Variants in PAPPA observed in about 807,000 individuals in gnomAD.
The protein encoded by PAPPA is pappalysin-1.
PAPPA carries 60 observed loss-of-function variants against 164.0 expected under a neutral mutation model. The ratio of observed to expected loss-of-function variants is 0.37; its 90% CI spans 0.30 to 0.45. PAPPA has a LOEUF of 0.45. Ranked by LOEUF, PAPPA falls within the 20% of genes least tolerant of loss-of-function variation. The probability of loss-of-function intolerance (pLI) is 1.00; values close to 1 mark genes in which losing one functional copy is unlikely to be tolerated. For missense variants in PAPPA, 1,782 were observed against 2,087.3 expected (o/e 0.85, Z 2.85); for synonymous variants, 875 against 814.1 (o/e 1.07, Z -1.27).
Position 116,305,176 on chromosome 9 carries a change from C to CACACACACAT in PAPPA, c.3147+2226_3147+2227insACACACACAT, listed in dbSNP as rs1554750322. 7.1e-3 allele frequency among the ~76,000 whole-genome samples: 1,065 copies of CACACACACAT among 149,360 alleles called. 6 individuals carry two copies. The highest frequency in any genetic ancestry group is 0.012 in the Non-Finnish European group (787 of 67,120). Reference sequence around the variant, plus strand: ...ACACACACACACACACACACACACACGGAGTCTGCATAATTAGAGGTAAAG... The same window carrying CACACACACAT: ...ACACACACACACACACACACACACACACACACACATGGAGTCTGCATAATTAGAGGTAAAG... On this transcript the variant is annotated intron_variant, in intron 10 of 21. Transcript: ENST00000328252.
At chr9:116,227,176 T>C (rs1297717817) in intron 5 of PAPPA, among the ~76,000 whole-genome samples, 3 of 152,186 alleles carry the variant, frequency 2.0e-5, no homozygotes, top group Non-Finnish European at 4.4e-5. Context: ...CCTGTTGACT[T>C]TGTGCTGCTA....
chr9:116,251,965 G>A (rs1844865850), intron 7 of PAPPA, among the ~76,000 whole-genome samples: 1 of 152,130 alleles, frequency 6.6e-6, no homozygotes, highest in Non-Finnish European at 1.5e-5. Context: ...TTTCCACATT[G>A]TCCCTCCATT....
At chr9:116,267,398 G>C (rs925852844) in intron 8 of PAPPA, among the ~76,000 whole-genome samples, 16 of 152,212 alleles carry the variant, frequency 1.1e-4, no homozygotes, top group African/African-American at 3.9e-4. Flanking sequence ...TTCTGAACAT[G>C]ATTTAACATT....
At chr9:116,236,211 C>T (rs1844663439) in intron 7 of PAPPA, among the ~76,000 whole-genome samples, 1 of 152,080 alleles carries the variant, frequency 6.6e-6, no homozygotes, top group Non-Finnish European at 1.5e-5. Flanking sequence ...CCATTTGATC[C>T]TTAGGGCCTT....
chr9:116,255,866 G>A (rs1429572928), intron 7 of PAPPA, among the ~76,000 whole-genome samples: 1 of 151,922 alleles, frequency 6.6e-6, no homozygotes, highest in Non-Finnish European at 1.5e-5. Context: ...TAATTAACAT[G>A]ATTTGATTTA....
intron 8 of PAPPA, among the ~76,000 whole-genome samples, chr9:116,270,404 T>G (rs1252973237): frequency 6.6e-6 from 1 of 152,242 alleles, no homozygotes; most frequent in African/African-American, 2.4e-5. Context: ...CTACTATGAC[T>G]GAGGATTGGA....
chr9:116,180,311 T>C (rs573143658), intron 1 of PAPPA, among the ~76,000 whole-genome samples: 46 of 151,966 alleles, frequency 3.0e-4, no homozygotes, highest in Non-Finnish European at 5.9e-4. Flanking sequence ...CAATCCACCA[T>C]GGAAAGCATC....
At chr9:116,177,208 C>T (rs981815960) in intron 1 of PAPPA, among the ~76,000 whole-genome samples, 1 of 152,136 alleles carries the variant, frequency 6.6e-6, no homozygotes, top group Non-Finnish European at 1.5e-5. Flanking sequence ...GTTCTATGAA[C>T]AGTGTCTTAT....
At position 116,179,143 on chromosome 9, in the gene PAPPA, A is replaced by G. The variant is rs150021591; in HGVS notation, c.416-8011A>G. Among the ~76,000 whole-genome samples the G allele has an allele frequency of 1.1e-4, 16 of 152,324 alleles. No homozygotes were observed. In the East Asian group the frequency reaches 2.9e-3, roughly 28 times the overall value. ...TGAAGTATACAGGATAAGATTCTTC[A>G]TCCTAGTGTACATGTGGGAAAACTA... On this transcript the variant is annotated intron_variant, in intron 1 of 21. Coordinates refer to ENST00000328252, the MANE Select transcript of PAPPA (RefSeq NM_002581.5).
intron 7 of PAPPA, among the ~76,000 whole-genome samples, chr9:116,256,007 G>T (rs1251948586): frequency 6.8e-6 from 1 of 147,834 alleles, no homozygotes; most frequent in Middle Eastern, 3.4e-3. Flanking sequence ...GAAAAATTAA[G>T]TGAAAAAAAA....
rs976038370 is a variant in PAPPA at position 116,187,008 on chromosome 9, A to G, written c.416-146A>G. 4.4e-5 allele frequency: 27 copies of G among 619,452 alleles called. No individual in the cohort carries two copies. Among genetic ancestry groups the G allele is most frequent in the Admixed American group, 6.0e-5 (2 of 33,584 alleles). The allele number at this position is 619,452 out of a possible 1,614,324, so 38.4% of individuals were successfully genotyped here. On this transcript the variant is annotated intron_variant, in intron 1 of 21. Coordinates refer to ENST00000328252, the MANE Select transcript of PAPPA (RefSeq NM_002581.5). This position sits in a 1 kb window ranked among gnomAD's most constrained non-coding sequence, Gnocchi z 4.2. ...CCCTCGAGGTGGTCCCAGAGGCACC[A>G]TTAGCAACTCCTAGGATCCCACAGA...
rs767834198 is a variant in PAPPA at position 116,362,737 on chromosome 9, T to C, written c.4493T>C (p.Ile1498Thr). Residue 1498 changes from isoleucine (I) to threonine (T), a missense_variant and splice_region_variant, in exon 18 of 22, where the codon ATA becomes ACA. By Grantham distance (89) the Ile-to-Thr change is moderately conservative. Coordinates refer to ENST00000328252, the MANE Select transcript of PAPPA (RefSeq NM_002581.5). Reference sequence around the variant, plus strand: ...CTGCAGTGCCCTGATGGCTATGCCATAGGTATGATGGGCCCGAGAGGGGAG... The same window carrying C: ...CTGCAGTGCCCTGATGGCTATGCCACAGGTATGATGGGCCCGAGAGGGGAG... ...LKLQCPDGYA[I>T]GSECATSCLD... 3.7e-6 allele frequency: 6 copies of C among 1,613,106 alleles called. No individual in the cohort carries two copies. Among genetic ancestry groups the C allele is most frequent in the Admixed American group, 1.7e-5 (1 of 59,894 alleles).
At chr9:116,392,796 C>T (rs761930356) in intron 21 of PAPPA, among the ~76,000 whole-genome samples, 1 of 152,160 alleles carries the variant, frequency 6.6e-6, no homozygotes, top group African/African-American at 2.4e-5. Flanking sequence ...TAGAGCCCTT[C>T]GAGGTCTTGA....
chr9:116,181,903 A>G (rs975478101), intron 1 of PAPPA, among the ~76,000 whole-genome samples: 2 of 152,266 alleles, frequency 1.3e-5, no homozygotes, highest in African/African-American at 4.8e-5. Flanking sequence ...CTACAGAAGA[A>G]TGATAAAGAC....
chr9:116,182,280 CT>C lies in PAPPA; in HGVS notation c.416-4873del, dbSNP rs1843916209. 3.3e-5 allele frequency among the ~76,000 whole-genome samples: 5 copies of C among 152,338 alleles called. No homozygotes were observed. The South Asian group carries it at 1.0e-3, about 32-fold the overall frequency. On this transcript the variant is annotated intron_variant, in intron 1 of 21. Transcript: ENST00000328252. ...AAGGCAGAAATAGGGAAGTATCCCC[CT>C]GCTCCCTTTCTTTCTTTCTTTTTAA...
At chr9:116,231,691 A>T (rs1844595397) in intron 6 of PAPPA, among the ~76,000 whole-genome samples, 1 of 147,898 alleles carries the variant, frequency 6.8e-6, no homozygotes, top group Non-Finnish European at 1.5e-5. Context: ...GGATGGATGG[A>T]TGGATGGATG....
intron 13 of PAPPA, among the ~76,000 whole-genome samples, chr9:116,340,379 C>T (rs1846120799): frequency 6.6e-6 from 1 of 152,214 alleles, no homozygotes; most frequent in African/African-American, 2.4e-5. Flanking sequence ...GAAAAAAGAG[C>T]AGGGACTTAG....
At chr9:116,323,474 A>C (rs900579331) in intron 10 of PAPPA, among the ~76,000 whole-genome samples, 2 of 152,226 alleles carry the variant, frequency 1.3e-5, no homozygotes, top group African/African-American at 4.8e-5. Context: ...CAGCTCAGAT[A>C]TCCAGTGATC....
chr9:116,211,742 C>T lies in PAPPA; in HGVS notation c.1728C>T (p.Gly576=). ...TGGGCCTCTATCACGTCTTCCGAGG[C>T]ATCTCAGAAATCCAGTCCTGCAGTG... The part of the protein sequence containing the change: ...HSLGLYHVFR[G]ISEIQSCSDP... Residue 576 remains glycine (G), a synonymous_variant, in exon 4 of 22, where the codon GGC becomes GGT. Coordinates refer to ENST00000328252, the MANE Select transcript of PAPPA (RefSeq NM_002581.5). The T allele has an allele frequency of 1.2e-6, 2 of 1,614,094 alleles. No homozygotes were observed.
Sources: allele counts gnomAD v4.1 joint callset (sites outside exome capture counted in the v4.1 genomes callset), GRCh38; gene constraint gnomAD v4.1.1; non-coding constraint Gnocchi (gnomAD v3.1); transcripts MANE v1.5; gene names NCBI Gene and HGNC (gene_info 2026-07-23, HGNC 2026-07-21).